Variants in VAPA observed in about 807,000 individuals in gnomAD.
The protein encoded by VAPA is VAMP associated protein A.
VAPA carries 6 observed loss-of-function variants against 25.6 expected under a neutral mutation model. The ratio of observed to expected loss-of-function variants is 0.23; its 90% CI spans 0.13 to 0.46. The LOEUF (loss-of-function observed/expected upper bound fraction) is 0.46. VAPA is among the 20% of genes least tolerant of loss of function. The pLI is 0.99. For synonymous variants in VAPA, 112 were observed against 106.2 expected, an observed-to-expected ratio of 1.05 and a Z score of -0.34; for missense variants, 244 against 302.1, an observed-to-expected ratio of 0.81 and a Z score of 1.43.
intron 2 of VAPA, among the ~76,000 whole-genome samples, chr18:9,933,285 C>T (rs1012192931): frequency 6.6e-6 from 1 of 151,998 alleles, no homozygotes; most frequent in South Asian, 2.1e-4. Flanking sequence ...GAAGGACAGA[C>T]CATAGAGTTC....
At chr18:9,940,552 T>C (rs1000521121) in intron 4 of VAPA, among the ~76,000 whole-genome samples, 1 of 152,198 alleles carries the variant, frequency 6.6e-6, no homozygotes, top group Non-Finnish European at 1.5e-5. Flanking sequence ...CAGCAGCATA[T>C]AGGATGATGT....
chr18:9,937,943 T>G (rs971347510), intron 4 of VAPA, among the ~76,000 whole-genome samples: 2 of 152,222 alleles, frequency 1.3e-5, no homozygotes, highest in African/African-American at 4.8e-5. Flanking sequence ...AGGTCTCTGG[T>G]AATTAGGTGT....
chr18:9,933,920 A>G (rs925331228), intron 2 of VAPA, among the ~76,000 whole-genome samples: 2 of 152,226 alleles, frequency 1.3e-5, no homozygotes, highest in Non-Finnish European at 2.9e-5. Context: ...CCATACAACT[A>G]TGCAGAATGA....
chr18:9,914,248 GT>G lies in VAPA; in HGVS notation c.-8del. 6.3e-7 allele frequency: 1 copy of G among 1,578,892 alleles called. No homozygotes were observed. Among genetic ancestry groups the G allele is most frequent in the Non-Finnish European group, 8.6e-7 (1 of 1,164,656 alleles). On this transcript the variant is annotated 5_prime_UTR_variant, in exon 1 of 6. Transcript: ENST00000400000. ...CGCGGGCGCGCCCCCGCTCTGCGCT[GT>G]CTCTCCGATGGCGTCCGCCTCAGGG...
intron 1 of VAPA, among the ~76,000 whole-genome samples, chr18:9,927,474 CT>C (rs74852348): frequency 0.067 from 9,125 of 135,542 alleles, 270 homozygotes; most frequent in South Asian, 0.15. Flanking sequence ...TACAGTGGTT[CT>C]TTTTTTTTTT....
chr18:9,926,730 C>T (rs1281432506), intron 1 of VAPA, among the ~76,000 whole-genome samples: 1 of 152,084 alleles, frequency 6.6e-6, no homozygotes, highest in African/African-American at 2.4e-5. Flanking sequence ...GACCTTTGTT[C>T]CAGTAGAAGA....
intron 2 of VAPA, 54 bp downstream of exon 2, chr18:9,932,016 TATG>T (rs1567895432): frequency 2.2e-6 from 3 of 1,348,000 alleles, no homozygotes; most frequent in Non-Finnish European, 3.1e-6. Flanking sequence ...CTTTTATGAT[TATG>T]TTTTTGTTTA....
In VAPA at chr18:9,916,391, T is replaced by G. The variant is rs114032137; in HGVS notation, c.79+2056T>G. Among the ~76,000 whole-genome samples the G allele has an allele frequency of 8.1e-3, 1,226 of 152,286 alleles. 15 individuals carry two copies. The highest frequency in any genetic ancestry group is 0.028 in the African/African-American group (1,163 of 41,552). ...CAACCGTGTCTGAGGAAAGAAGCCC[T>G]TTCTCTATGTGCCCCATCCCTCCCT... On this transcript the variant is annotated intron_variant, in intron 1 of 5. Transcript: ENST00000400000.
intron 1 of VAPA, among the ~76,000 whole-genome samples, chr18:9,922,988 T>C (rs2069169836): frequency 6.6e-6 from 1 of 152,252 alleles, no homozygotes; most frequent in African/African-American, 2.4e-5. Flanking sequence ...AATTCTGTAA[T>C]CTGTTATACA....
At chr18:9,928,486 A>G (rs2069221816) in intron 1 of VAPA, among the ~76,000 whole-genome samples, 1 of 152,086 alleles carries the variant, frequency 6.6e-6, no homozygotes, top group South Asian at 2.1e-4. Flanking sequence ...TATGGTGGCC[A>G]CTTGTTTCTC....
chr18:9,942,734 C>T lies in VAPA; in HGVS notation c.417+5668C>T, dbSNP rs117191353. 6.0e-3 allele frequency among the ~76,000 whole-genome samples: 909 copies of T among 152,084 alleles called. 4 individuals are homozygous for T. Among genetic ancestry groups the T allele is most frequent in the Non-Finnish European group, 0.01 (704 of 67,992 alleles). On this transcript the variant is annotated intron_variant, in intron 4 of 5. Transcript: ENST00000400000. ...TGGTGGGAACAGGAGCAAGAGAGAGCGAAGGGGCAGTGCTACACTCTTTTT... is the reference window on the plus strand; with the variant it reads ...TGGTGGGAACAGGAGCAAGAGAGAGTGAAGGGGCAGTGCTACACTCTTTTT...
chr18:9,944,140 C>T (rs145719461), intron 4 of VAPA, among the ~76,000 whole-genome samples: 1,617 of 151,778 alleles, frequency 0.011, 16 homozygotes, highest in Non-Finnish European at 0.016. Context: ...TGAGCCACCG[C>T]GCCTGACCTT....
intron 2 of VAPA, 103 bp downstream of exon 2, chr18:9,932,065 A>G (rs768590940): frequency 1.2e-6 from 1 of 840,648 alleles, no homozygotes; most frequent in East Asian, 2.8e-5. Flanking sequence ...AATAATTCTT[A>G]TATTATTCTG....
At position 9,937,082 on chromosome 18, in the gene VAPA, T is replaced by TA. The variant is rs771503144; in HGVS notation, c.417+24dup. Reference sequence around the variant, plus strand: ...TGATAAATTGGTAAGTAGGAGAATGTAAAAAAAATTGGGAGCTGTTGAGCT... The same window carrying TA: ...TGATAAATTGGTAAGTAGGAGAATGTAAAAAAAAATTGGGAGCTGTTGAGCT... On this transcript the variant is annotated intron_variant, in intron 4 of 5. Coordinates refer to ENST00000400000, the MANE Select transcript of VAPA (RefSeq NM_194434.3). The TA allele has an allele frequency of 4.0e-5, 65 of 1,606,076 alleles. No homozygotes were observed. In the East Asian group the frequency reaches 1.0e-3, roughly 25 times the overall value.
At chr18:9,933,418 A>G (rs1167552553) in intron 2 of VAPA, among the ~76,000 whole-genome samples, 1 of 152,172 alleles carries the variant, frequency 6.6e-6, no homozygotes, top group Non-Finnish European at 1.5e-5. Flanking sequence ...TTTCTTTGCT[A>G]AGTCTAATTC....
At chr18:9,918,940 A>G (rs1330649531) in intron 1 of VAPA, among the ~76,000 whole-genome samples, 1 of 152,164 alleles carries the variant, frequency 6.6e-6, no homozygotes, top group Admixed American at 6.5e-5. Context: ...TCAGTTGCTC[A>G]ACCTGGAGTG....
At chr18:9,915,437 T>A (rs2069104261) in intron 1 of VAPA, among the ~76,000 whole-genome samples, 1 of 152,124 alleles carries the variant, frequency 6.6e-6, no homozygotes. Context: ...ATGTACAGAT[T>A]TTTATTTTTT....
intron 1 of VAPA, among the ~76,000 whole-genome samples, chr18:9,923,322 TA>T (rs2069172987): frequency 2.6e-5 from 1 of 38,012 alleles, no homozygotes. Flanking sequence ...GAATTGTTGC[TA>T]TGAGAGGACT....
rs1352988504 is a variant in VAPA at position 9,954,229 on chromosome 18, G to T, written c.*18G>T. 2 of 1,557,120 alleles carry T rather than the reference G, an allele frequency of 1.3e-6. No individual in the cohort carries two copies. The highest frequency in any genetic ancestry group is 1.2e-5 in the South Asian group (1 of 83,702). On this transcript the variant is annotated 3_prime_UTR_variant, in exon 6 of 6. Coordinates refer to ENST00000400000, the MANE Select transcript of VAPA (RefSeq NM_194434.3). ...TCTTGTAGAGTGAAGCATGCAGAGT[G>T]CTGTTTCTTTTTTTTTTTTTCTCTT...
Sources: allele counts gnomAD v4.1 joint callset (sites outside exome capture counted in the v4.1 genomes callset), GRCh38; gene constraint gnomAD v4.1.1; transcripts MANE v1.5; gene names NCBI Gene and HGNC (gene_info 2026-07-23, HGNC 2026-07-21).